The following ZNF805 variants were observed in gnomAD, a reference collection of about 807,000 sequenced individuals.
The protein encoded by ZNF805 is zinc finger protein 805.
ZNF805 carries 7 observed loss-of-function variants against 13.6 expected under a neutral mutation model. That is an observed-to-expected ratio of 0.51 (90% CI 0.29 to 0.97). The LOEUF (loss-of-function observed/expected upper bound fraction) is 0.97. ZNF805 is among the 50% of genes least tolerant of loss of function. The probability of loss-of-function intolerance (pLI) is 0.08; values close to 1 mark genes in which losing one functional copy is unlikely to be tolerated. For synonymous variants in ZNF805, 293 were observed against 279.8 expected (o/e 1.05, Z -0.47); for missense variants, 604 against 771.0 (o/e 0.78, Z 2.57).
rs147080926 is a variant in ZNF805 at position 57,260,459 on chromosome 19, G to A, written c.*5756G>A. Among the ~76,000 whole-genome samples the A allele has an allele frequency of 6.4e-4, 98 of 152,192 alleles. 1 individual carries two copies. The highest frequency in any genetic ancestry group is 2.3e-3 in the African/African-American group (97 of 41,504). ...CACCACCGTTGCCTGACTTAAGCAC[G>A]TCTCAGAAAGGTCCCTTTTGACCCC... On this transcript the variant is annotated 3_prime_UTR_variant, in exon 4 of 4. Transcript: ENST00000414468.
intron 1 of ZNF805, 129 bp from the exon 2 acceptor site, chr19:57,243,794 C>A: frequency 7.7e-7 from 1 of 1,302,738 alleles, no homozygotes; most frequent in Non-Finnish European, 1.1e-6. Flanking sequence ...CTTCCTCCTT[C>A]AGCCTGGTAC....
rs1000902854 is a variant in ZNF805 at position 57,259,921 on chromosome 19, A to G, written c.*5218A>G. ...CATGGTTTTCTGGTGGTTTGTCTCA[A>G]TATTTGAATAGAAATCCTAAATTAT... On this transcript the variant is annotated 3_prime_UTR_variant, in exon 4 of 4. Coordinates refer to ENST00000414468, the MANE Select transcript of ZNF805 (RefSeq NM_001023563.4). Among the ~76,000 whole-genome samples the G allele has an allele frequency of 6.6e-6, 1 of 152,246 alleles. No individual in the cohort carries two copies. Among genetic ancestry groups the G allele is most frequent in the East Asian group, 1.9e-4 (1 of 5,202 alleles).
chr19:57,253,829 A>G lies in ZNF805; in HGVS notation c.1010A>G (p.His337Arg). The change falls in exon 4 of 4, where the codon CAC becomes CGC. Residue 337 changes from histidine to arginine, a missense_variant. Physicochemically the swap from His to Arg is conservative, Grantham distance 29 (BLOSUM62 0). Transcript: ENST00000414468. The surrounding 1 kb of genome is among the most constrained non-coding windows in gnomAD (Gnocchi z 4.4). ...RPGFIRHYII[H>R]SGENPYECFE... The stretch of plus-strand genomic sequence containing the variant: ...GGTTTCATTCGACACTACATCATCC[A>G]CAGTGGTGAGAATCCCTACGAGTGC... 1.2e-6 allele frequency: 2 copies of G among 1,614,124 alleles called. No individual in the cohort carries two copies. Among genetic ancestry groups the G allele is most frequent in the Non-Finnish European group, 1.7e-6 (2 of 1,180,024 alleles).
chr19:57,248,819 C>A, intron 3 of ZNF805, 119 bp downstream of exon 3: 3 of 929,204 alleles, frequency 3.2e-6, no homozygotes, highest in South Asian at 2.9e-5. Flanking sequence ...GTTTGGGAGC[C>A]TTGGAGCCCT....
intron 2 of ZNF805, 54 bp from the exon 3 acceptor site, chr19:57,248,551 T>C: frequency 7.0e-7 from 1 of 1,422,772 alleles, no homozygotes; most frequent in Non-Finnish European, 9.7e-7. Flanking sequence ...AGATTGAAGG[T>C]CTTTATTTCT....
Position 57,258,004 on chromosome 19 carries a change from A to G in ZNF805, c.*3301A>G, listed in dbSNP as rs929855330. On this transcript the variant is annotated 3_prime_UTR_variant, in exon 4 of 4. Coordinates refer to ENST00000414468, the MANE Select transcript of ZNF805 (RefSeq NM_001023563.4). ...ATTACTGGTATGAGCAACCACGCACAGCATTTTTTTTTTTTTTTTTTTTTT... is the reference window on the plus strand; with the variant it reads ...ATTACTGGTATGAGCAACCACGCACGGCATTTTTTTTTTTTTTTTTTTTTT... Among the ~76,000 whole-genome samples the G allele has an allele frequency of 8.3e-6, 1 of 120,826 alleles. No individual in the cohort carries two copies. The highest frequency in any genetic ancestry group is 3.2e-5 in the African/African-American group (1 of 31,550). The allele number at this position is 120,826 out of a possible 152,430, so 79.3% of individuals were successfully genotyped here.
At position 57,254,543 on chromosome 19, in the gene ZNF805, C is replaced by T. The variant is rs767942062; in HGVS notation, c.1724C>T (p.Pro575Leu). Residue 575 changes from proline to leucine, a missense_variant, in exon 4 of 4, where the codon CCT becomes CTT. Physicochemically the swap from Pro to Leu is moderately conservative, Grantham distance 98. Coordinates refer to ENST00000414468, the MANE Select transcript of ZNF805 (RefSeq NM_001023563.4). ...NPISVTDVGRPFTSGQTSVNI... is the reference protein window; with the variant it reads ...NPISVTDVGRLFTSGQTSVNI... ...ATCAGTGTAACAGATGTGGGAAGAC[C>T]TTTTACAAGTGGGCAGACCTCAGTC... 25 of 1,614,044 alleles carry T rather than the reference C, an allele frequency of 1.5e-5. No individual in the cohort carries two copies. The highest frequency in any genetic ancestry group is 1.3e-5 in the African/African-American group (1 of 74,914).
Position 57,253,253 on chromosome 19 carries a change from C to G in ZNF805, c.434C>G (p.Ser145Cys). The change falls in exon 4 of 4, where the codon TCC becomes TGC. Residue 145 changes from serine to cysteine, a missense_variant. Ser to Cys is a moderately radical substitution (Grantham distance 112). Transcript: ENST00000414468. This position sits in a 1 kb window ranked among gnomAD's most constrained non-coding sequence, Gnocchi z 4.4. ...QGERLRPGLDSQKEKLPGKMS... is the reference protein window; with the variant it reads ...QGERLRPGLDCQKEKLPGKMS... ...GAACGCTTGAGACCAGGGTTAGATT[C>G]CCAAAAGGAGAAGCTTCCTGGAAAA... The G allele has an allele frequency of 1.9e-6, 3 of 1,556,514 alleles. No homozygotes were observed. The highest frequency in any genetic ancestry group is 1.7e-6 in the Non-Finnish European group (2 of 1,150,168).
At chr19:57,245,638 G>GC (rs2087611482) in intron 2 of ZNF805, among the ~76,000 whole-genome samples, 1 of 150,216 alleles carries the variant, frequency 6.7e-6, no homozygotes, top group Non-Finnish European at 1.5e-5. Context: ...AATTAGCCGG[G>GC]CGTGGTGGCG....
intron 3 of ZNF805, among the ~76,000 whole-genome samples, chr19:57,252,289 G>C (rs2087656489): frequency 6.6e-6 from 1 of 152,160 alleles, no homozygotes; most frequent in Admixed American, 6.5e-5. Context: ...CCAGGACTTT[G>C]TCAAGTCTAC....
At chr19:57,246,832 T>C (rs775709434) in intron 2 of ZNF805, among the ~76,000 whole-genome samples, 10 of 151,918 alleles carry the variant, frequency 6.6e-5, no homozygotes, top group Non-Finnish European at 1.3e-4. Flanking sequence ...GAGCACTGAT[T>C]GGGTGTCTCA....
rs376428283 is a variant in ZNF805 at position 57,256,873 on chromosome 19, G to A, written c.*2170G>A. ...GTATTTGACTCAGTGGTTTCCTGAC[G>A]TGGATGTTTAGGTTATTGATTTGAG... On this transcript the variant is annotated 3_prime_UTR_variant, in exon 4 of 4. Transcript: ENST00000414468. Among the ~76,000 whole-genome samples, 6 of 151,996 alleles carry A rather than the reference G, an allele frequency of 3.9e-5. No individual in the cohort carries two copies. Among genetic ancestry groups the A allele is most frequent in the African/African-American group, 7.2e-5 (3 of 41,398 alleles).
In ZNF805 at chr19:57,259,530, G is replaced by T. The variant is rs975438599; in HGVS notation, c.*4827G>T. Among the ~76,000 whole-genome samples, 4 of 151,986 alleles carry T rather than the reference G, an allele frequency of 2.6e-5. No individual in the cohort carries two copies. The highest frequency in any genetic ancestry group is 5.9e-5 in the Non-Finnish European group (4 of 68,018). ...TGTTTTGTTTTGTTTTTTTGAGACAGACTCTTTGCTCTGTTGCCCAGGCTG... is the reference window on the plus strand; with the variant it reads ...TGTTTTGTTTTGTTTTTTTGAGACATACTCTTTGCTCTGTTGCCCAGGCTG... On this transcript the variant is annotated 3_prime_UTR_variant, in exon 4 of 4. Transcript: ENST00000414468.
In ZNF805 at chr19:57,258,046, C is replaced by G. The variant is rs374641405; in HGVS notation, c.*3343C>G. 2.6e-4 allele frequency among the ~76,000 whole-genome samples: 35 copies of G among 134,478 alleles called. No individual in the cohort carries two copies. The East Asian group carries it at 3.3e-3, about 13-fold the overall frequency. The allele number at this position is 134,478 out of a possible 152,430, so 88.2% of individuals were successfully genotyped here. ...TTTTTTTTTGAGACGGAGTCTTGCT[C>G]TGTCGCCCTGGCTGGAGTGCAGTGG... On this transcript the variant is annotated 3_prime_UTR_variant, in exon 4 of 4. Coordinates refer to ENST00000414468, the MANE Select transcript of ZNF805 (RefSeq NM_001023563.4).
chr19:57,243,146 T>C (rs2087589946), intron 1 of ZNF805, among the ~76,000 whole-genome samples: 1 of 151,970 alleles, frequency 6.6e-6, no homozygotes, highest in Admixed American at 6.6e-5. Context: ...AGCCCAGGAG[T>C]TCAAGGTTAC....
chr19:57,244,491 G>A (rs903688685), intron 2 of ZNF805, among the ~76,000 whole-genome samples: 14 of 151,914 alleles, frequency 9.2e-5, no homozygotes, highest in African/African-American at 3.4e-4. Context: ...GATTACAGGT[G>A]TGAGCCACCA....
rs770755777 is a variant in ZNF805 at position 57,240,865 on chromosome 19, G to C, written c.-27G>C. The C allele has an allele frequency of 1.3e-6, 2 of 1,547,548 alleles. No homozygotes were observed. Among genetic ancestry groups the C allele is most frequent in the African/African-American group, 2.7e-5 (2 of 72,762 alleles). On this transcript the variant is annotated 5_prime_UTR_variant, in exon 1 of 4. Transcript: ENST00000414468. Reference sequence around the variant, plus strand: ...ACCCGCCCTGCTCGCCGCAGCCCCCGCCCCGCTAGGGCCACAGGGTCCCGG... The same window carrying C: ...ACCCGCCCTGCTCGCCGCAGCCCCCCCCCCGCTAGGGCCACAGGGTCCCGG...
rs376412481 is a variant in ZNF805, at chr19:57,240,851, T to A, written c.-41T>A. On this transcript the variant is annotated 5_prime_UTR_variant, in exon 1 of 4. Transcript: ENST00000414468. ...GCTGAGCCCGCGAGACCCGCCCTGC[T>A]CGCCGCAGCCCCCGCCCCGCTAGGG... 43 of 1,543,408 alleles carry A rather than the reference T, an allele frequency of 2.8e-5. No homozygotes were observed. The East Asian group carries it at 9.7e-4, about 35-fold the overall frequency.
rs1318105287 is a variant in ZNF805 at position 57,260,878 on chromosome 19, C to T, written c.*6175C>T. Among the ~76,000 whole-genome samples the T allele has an allele frequency of 6.6e-6, 1 of 152,198 alleles. No homozygotes were observed. Among genetic ancestry groups the T allele is most frequent in the African/African-American group, 2.4e-5 (1 of 41,442 alleles). ...TGCACCCATAATCATCATAAGAGAA[C>T]ACAAATTATTACTGTGTATCAGACA... On this transcript the variant is annotated 3_prime_UTR_variant, in exon 4 of 4. Transcript: ENST00000414468.
Sources: allele counts gnomAD v4.1 joint callset (sites outside exome capture counted in the v4.1 genomes callset), GRCh38; gene constraint gnomAD v4.1.1; non-coding constraint Gnocchi (gnomAD v3.1); transcripts MANE v1.5; gene names NCBI Gene and HGNC (gene_info 2026-07-23, HGNC 2026-07-21).